SLC44A5: variants seen among roughly 807,000 people sequenced by gnomAD.
SLC44A5 encodes the protein choline transporter-like protein 5.
A neutral mutation model predicts 101.8 loss-of-function variants in SLC44A5; 57 were observed. That is an observed-to-expected ratio of 0.56 (90% CI 0.45 to 0.70). The LOEUF is 0.70. Ranked by LOEUF, SLC44A5 falls within the 30% of genes least tolerant of loss-of-function variation. The pLI, the probability that SLC44A5 is intolerant of heterozygous loss-of-function variation, is 0.00. For missense variants in SLC44A5, 737 were observed against 853.1 expected (o/e 0.86, Z 1.70); for synonymous variants, 281 against 290.9 (o/e 0.97, Z 0.35).
At chr1:75,450,721 C>G (rs1665857660) in intron 2 of SLC44A5, among the ~76,000 whole-genome samples, 1 of 152,176 alleles carries the variant, frequency 6.6e-6, no homozygotes, top group Admixed American at 6.5e-5. Context: ...AAGTGGGGCC[C>G]TCTCCACCCC....
the SLC44A5 span, among the ~76,000 whole-genome samples, chr1:75,635,922 A>T: frequency 2.0e-5 from 3 of 152,054 alleles, no homozygotes; most frequent in Admixed American, 2.0e-4. Context: ...TTTATTTTTA[A>T]CTTGTTTAAA....
intron 2 of SLC44A5, among the ~76,000 whole-genome samples, chr1:75,442,849 T>C (rs1665287210): frequency 6.6e-6 from 1 of 152,176 alleles, no homozygotes. Context: ...CCACATGCTC[T>C]TGATGCAATA....
intron 2 of SLC44A5, among the ~76,000 whole-genome samples, chr1:75,508,586 T>G (rs1473612679): frequency 6.6e-6 from 1 of 151,934 alleles, no homozygotes; most frequent in Non-Finnish European, 1.5e-5. Flanking sequence ...GATAAACATG[T>G]TTGATAGACT....
At chr1:75,602,334 C>T (rs919278937) in intron 1 of SLC44A5, among the ~76,000 whole-genome samples, 14 of 152,042 alleles carry the variant, frequency 9.2e-5, no homozygotes, top group African/African-American at 3.4e-4. Flanking sequence ...GTAATGTTTC[C>T]ATAAATCATT....
chr1:75,393,096 C>G (rs889443541), intron 3 of SLC44A5, among the ~76,000 whole-genome samples: 45 of 152,194 alleles, frequency 3.0e-4, no homozygotes, highest in African/African-American at 1.1e-3. Flanking sequence ...AGTTCTATCC[C>G]AAACCCTCAC....
chr1:75,438,157 G>T (rs1404239345), intron 2 of SLC44A5, among the ~76,000 whole-genome samples: 1 of 152,092 alleles, frequency 6.6e-6, no homozygotes, highest in Non-Finnish European at 1.5e-5. Context: ...TTTCATTCAA[G>T]AAATGGGGAG....
intron 3 of SLC44A5, among the ~76,000 whole-genome samples, chr1:75,357,369 T>C (rs939184556): frequency 6.6e-6 from 1 of 152,164 alleles, no homozygotes; most frequent in African/African-American, 2.4e-5. Context: ...TCTAAGTTCA[T>C]TTCAACCTCT....
rs71081327 is a variant in SLC44A5, at chr1:75,304,293, GGTGT to G, written c.102-3612_102-3609del. On this transcript the variant is annotated intron_variant, in intron 4 of 23. Transcript: ENST00000370859. The stretch of plus-strand genomic sequence containing the variant: ...ATTGTTTTAGAAAAATTTTTAAATA[GGTGT>G]GTGTGTGTGTGTGTGTGTGTGTGTG... 2.8e-3 allele frequency among the ~76,000 whole-genome samples: 186 copies of G among 65,364 alleles called. 1 individual carries two copies. The highest frequency in any genetic ancestry group is 0.02 in the Middle Eastern group (2 of 102). 42.9% of individuals were successfully genotyped at this position (65,364 alleles called of 152,430 possible).
chr1:75,683,622 G>T, the SLC44A5 span, among the ~76,000 whole-genome samples: 1 of 152,144 alleles, frequency 6.6e-6, no homozygotes, highest in Non-Finnish European at 1.5e-5. Context: ...GGCGGAAGGG[G>T]GGAGGGATAG....
At chr1:75,620,545 CGTT>C in the SLC44A5 span, among the ~76,000 whole-genome samples, 5 of 152,110 alleles carry the variant, frequency 3.3e-5, no homozygotes, top group African/African-American at 1.2e-4. Flanking sequence ...GCTGGTATCT[CGTT>C]GTGGTTTTGA....
intron 3 of SLC44A5, among the ~76,000 whole-genome samples, chr1:75,364,010 G>T (rs140756057): frequency 1.8e-3 from 270 of 152,160 alleles, no homozygotes; most frequent in African/African-American, 5.8e-3. Context: ...TGTCTGCAGC[G>T]CTTTTGCTAA....
At chr1:75,374,839 A>C (rs142546822) in intron 3 of SLC44A5, among the ~76,000 whole-genome samples, 75 of 152,278 alleles carry the variant, frequency 4.9e-4, no homozygotes, top group African/African-American at 1.7e-3. Context: ...CAAACACAAA[A>C]ATTATTATAA....
chr1:75,457,105 T>C (rs1211339730), intron 2 of SLC44A5, among the ~76,000 whole-genome samples: 1 of 152,196 alleles, frequency 6.6e-6, no homozygotes, highest in Non-Finnish European at 1.5e-5. Flanking sequence ...TCAAATACTA[T>C]GTAGGTAAGC....
At chr1:75,498,261 T>C (rs557063594) in intron 2 of SLC44A5, among the ~76,000 whole-genome samples, 2 of 152,284 alleles carry the variant, frequency 1.3e-5, no homozygotes, top group Admixed American at 6.5e-5. Context: ...TCAGATATAA[T>C]GGTGCATGTA....
chr1:75,396,695 C>T (rs1662147427), intron 2 of SLC44A5, 74 bp from the exon 3 acceptor site: 3 of 1,154,124 alleles, frequency 2.6e-6, no homozygotes, highest in South Asian at 2.5e-5. Context: ...CACATCTCTC[C>T]TTATCCTAAA....
At chr1:75,349,368 C>T (rs370699928) in intron 3 of SLC44A5, among the ~76,000 whole-genome samples, 4 of 152,072 alleles carry the variant, frequency 2.6e-5, no homozygotes, top group African/African-American at 9.6e-5. Flanking sequence ...GTAGTTGTTA[C>T]ACTGAGGATG....
chr1:75,240,455 T>C (rs1648515559), intron 9 of SLC44A5, among the ~76,000 whole-genome samples: 1 of 152,144 alleles, frequency 6.6e-6, no homozygotes, highest in African/African-American at 2.4e-5. Context: ...TACTTTATCC[T>C]GTGTACTTAG....
At chr1:75,589,092 T>G (rs1398140908) in intron 1 of SLC44A5, among the ~76,000 whole-genome samples, 2 of 152,150 alleles carry the variant, frequency 1.3e-5, no homozygotes, top group Admixed American at 1.3e-4. Context: ...ACGCGCACCC[T>G]CTCTCTTTCT....
intron 2 of SLC44A5, among the ~76,000 whole-genome samples, chr1:75,497,305 T>C (rs1469239430): frequency 6.6e-6 from 1 of 151,970 alleles, no homozygotes; most frequent in Non-Finnish European, 1.5e-5. Context: ...TTCAGACTTT[T>C]ATAAAGAAGG....
Sources: allele counts gnomAD v4.1 joint callset (sites outside exome capture counted in the v4.1 genomes callset), GRCh38; gene constraint gnomAD v4.1.1; transcripts MANE v1.5; gene names NCBI Gene and HGNC (gene_info 2026-07-23, HGNC 2026-07-21).